The following UBE2E2 variants were observed in gnomAD, a reference collection of about 807,000 sequenced individuals.
UBE2E2 encodes the protein ubiquitin-conjugating enzyme E2 E2.
UBE2E2 carries 6 observed loss-of-function variants against 24.7 expected under a neutral mutation model. The observed-to-expected ratio is 0.24, with a 90% CI of 0.13 to 0.48. The LOEUF is 0.48. Ranked by LOEUF, UBE2E2 falls within the 20% of genes least tolerant of loss-of-function variation. The pLI is 0.99. For synonymous variants in UBE2E2, 104 were observed against 83.6 expected (o/e 1.24, Z -1.33); for missense variants, 169 against 245.0 (o/e 0.69, Z 2.07).
At chr3:23,476,982 CTTTAT>C (rs1251245114) in intron 3 of UBE2E2, among the ~76,000 whole-genome samples, 1 of 152,004 alleles carries the variant, frequency 6.6e-6, no homozygotes, top group Non-Finnish European at 1.5e-5. Flanking sequence ...TATTCTCTAT[CTTTAT>C]TTTAACATTA....
Position 23,476,357 on chromosome 3 carries a change from G to A in UBE2E2, c.228-23251G>A, listed in dbSNP as rs193239175. 7.2e-5 allele frequency among the ~76,000 whole-genome samples: 11 copies of A among 152,186 alleles called. No individual in the cohort carries two copies. The East Asian group carries it at 1.4e-3, about 19-fold the overall frequency. ...TTATGCTAGATACCCTAAGACTTAT[G>A]AAATTGGCACTAAAGCACCATTAAG... On this transcript the variant is annotated intron_variant, in intron 3 of 5. Transcript: ENST00000396703.
chr3:23,431,759 C>G (rs1385745624), intron 3 of UBE2E2, among the ~76,000 whole-genome samples: 1 of 152,098 alleles, frequency 6.6e-6, no homozygotes, highest in Non-Finnish European at 1.5e-5. Context: ...TTTGCATTAA[C>G]CACTATACGT....
chr3:23,493,469 A>G (rs528610800), intron 3 of UBE2E2, among the ~76,000 whole-genome samples: 1 of 152,218 alleles, frequency 6.6e-6, no homozygotes, highest in African/African-American at 2.4e-5. Context: ...TTTTCATTCT[A>G]AAAGATTTAC....
chr3:23,383,282 A>G (rs1696720862), intron 3 of UBE2E2, among the ~76,000 whole-genome samples: 1 of 152,142 alleles, frequency 6.6e-6, no homozygotes. Flanking sequence ...TAAGTTGTCT[A>G]AGACTGATGT....
chr3:23,532,465 A>C, intron 4 of UBE2E2, 89 bp from the exon 5 acceptor site: 1 of 1,235,416 alleles, frequency 8.1e-7, no homozygotes. Flanking sequence ...TGTCTGATAA[A>C]ATAGGCAATT....
intron 3 of UBE2E2, among the ~76,000 whole-genome samples, chr3:23,356,963 G>A (rs1695973890): frequency 6.6e-6 from 1 of 152,212 alleles, no homozygotes; most frequent in Non-Finnish European, 1.5e-5. Flanking sequence ...ATTCTCTGGG[G>A]TGACTGACTT....
intron 3 of UBE2E2, among the ~76,000 whole-genome samples, chr3:23,301,106 A>T (rs1479268280): frequency 6.6e-6 from 1 of 152,164 alleles, no homozygotes; most frequent in Non-Finnish European, 1.5e-5. Flanking sequence ...TTTGTCACGT[A>T]GCTCTCATGC....
chr3:23,382,388 G>A (rs1443014617), intron 3 of UBE2E2, among the ~76,000 whole-genome samples: 1 of 151,778 alleles, frequency 6.6e-6, no homozygotes, highest in Non-Finnish European at 1.5e-5. Flanking sequence ...TACCATGTTG[G>A]CCAGGCTGGT....
At chr3:23,532,471 C>T (rs951642663) in intron 4 of UBE2E2, 83 bp from the exon 5 acceptor site, 2 of 1,282,558 alleles carry the variant, frequency 1.6e-6, no homozygotes, top group Non-Finnish European at 2.1e-6. Context: ...ATAAAATAGG[C>T]AATTTTATTA....
intron 4 of UBE2E2, among the ~76,000 whole-genome samples, chr3:23,519,785 TC>T (rs1407581663): frequency 6.6e-6 from 1 of 152,126 alleles, no homozygotes; most frequent in African/African-American, 2.4e-5. Context: ...CAAGTGATCT[TC>T]CCTCCTCAAC....
intron 3 of UBE2E2, among the ~76,000 whole-genome samples, chr3:23,246,232 T>C (rs1450407326): frequency 1.5e-5 from 2 of 132,538 alleles, no homozygotes; most frequent in Non-Finnish European, 3.3e-5. Context: ...ATTTTTTTTT[T>C]TTTTTCGAGA....
In UBE2E2 at chr3:23,446,430, T is replaced by C. The variant is rs775889455; in HGVS notation, c.228-53178T>C. ...CTAACCAGATGCAGTTAGTATGCTA[T>C]CATGAATATAATGGAATGTGAAGAT... On this transcript the variant is annotated intron_variant, in intron 3 of 5. Transcript: ENST00000396703. 2.3e-4 allele frequency among the ~76,000 whole-genome samples: 35 copies of C among 152,322 alleles called. No individual in the cohort carries two copies. The Middle Eastern group carries it at 0.014, about 59-fold the overall frequency.
At chr3:23,411,414 G>C (rs1034991749) in intron 3 of UBE2E2, among the ~76,000 whole-genome samples, 16 of 152,156 alleles carry the variant, frequency 1.1e-4, no homozygotes, top group African/African-American at 3.9e-4. Context: ...TACTCTGATG[G>C]TCCTTTGCCT....
intron 3 of UBE2E2, among the ~76,000 whole-genome samples, chr3:23,301,764 C>G (rs1363976293): frequency 6.6e-6 from 1 of 152,162 alleles, no homozygotes; most frequent in East Asian, 1.9e-4. Flanking sequence ...TGCCTGTTCT[C>G]AGATCTCCAG....
At chr3:23,305,135 T>C (rs1699205596) in intron 3 of UBE2E2, among the ~76,000 whole-genome samples, 1 of 152,202 alleles carries the variant, frequency 6.6e-6, no homozygotes, top group Admixed American at 6.5e-5. Flanking sequence ...ATTTTATCAT[T>C]GGCGACAAGT....
rs1483793312 is a variant in UBE2E2 at position 23,281,597 on chromosome 3, CA to C, written c.227+64286del. Among the ~76,000 whole-genome samples the C allele has an allele frequency of 2.6e-5, 4 of 152,194 alleles. No individual in the cohort carries two copies. In the East Asian group the frequency reaches 7.7e-4, roughly 29 times the overall value. ...AGGCTGCAGTGAGCTGTGATGGCAC[CA>C]CTGCATTCCAGCCTGGGTGACATAG... On this transcript the variant is annotated intron_variant, in intron 3 of 5. Transcript: ENST00000396703.
chr3:23,383,904 AG>A (rs1489899783), intron 3 of UBE2E2, among the ~76,000 whole-genome samples: 1 of 151,418 alleles, frequency 6.6e-6, no homozygotes, highest in East Asian at 1.9e-4. Flanking sequence ...AAAAAAAAAA[AG>A]GAAAAATTTC....
intron 3 of UBE2E2, among the ~76,000 whole-genome samples, chr3:23,436,383 T>C (rs1698185118): frequency 6.6e-6 from 1 of 152,210 alleles, no homozygotes; most frequent in Non-Finnish European, 1.5e-5. Context: ...CGTTAGTAAT[T>C]GAGTACTTTG....
At chr3:23,401,017 A>G (rs1697209654) in intron 3 of UBE2E2, among the ~76,000 whole-genome samples, 2 of 152,272 alleles carry the variant, frequency 1.3e-5, no homozygotes, top group Non-Finnish European at 2.9e-5. Flanking sequence ...ATTCTGCTAA[A>G]GAATGACTGG....
Sources: gnomAD v4.1 joint callset for allele counts (sites outside exome capture counted in the v4.1 genomes callset) on GRCh38, gnomAD v4.1.1 for gene constraint, MANE v1.5 for transcripts, NCBI Gene and HGNC (gene_info 2026-07-23, HGNC 2026-07-21) for gene names.